Variants in BNIP2 observed in about 807,000 individuals in gnomAD.
The protein encoded by BNIP2 is BCL2/adenovirus E1B 19 kDa protein-interacting protein 2.
A neutral mutation model predicts 43.4 loss-of-function variants in BNIP2; 36 were observed. The observed-to-expected ratio is 0.83, with a 90% CI of 0.64 to 1.10. BNIP2 has a LOEUF of 1.10. BNIP2 is among the 50% of genes least tolerant of loss of function. The probability of loss-of-function intolerance (pLI) is 0.00; values close to 1 mark genes in which losing one functional copy is unlikely to be tolerated. For synonymous variants in BNIP2, 146 were observed against 121.0 expected, an observed-to-expected ratio of 1.21 and a Z score of -1.35; for missense variants, 417 against 374.1, an observed-to-expected ratio of 1.11 and a Z score of -0.95.
rs1209020116 is a variant in BNIP2 at position 59,672,733 on chromosome 15, T to C, written c.479A>G (p.Tyr160Cys). The change falls in exon 6 of 10, where the codon TAT (tyrosine) becomes TGT (cysteine). Residue 160 changes from tyrosine (Y) to cysteine (C), a missense_variant. Coordinates refer to ENST00000607373, the MANE Select transcript of BNIP2 (RefSeq NM_004330.4). ...YKKVISHGGY[Y>C]GDGLNAIVVF... ...AACAATGGCATTTAATCCATCCCCA[T>C]AATATCCTAAAAAAGAAACCAAAGA... The C allele has an allele frequency of 6.2e-7, 1 of 1,612,806 alleles. No homozygotes were observed.
chr15:59,678,976 T>A, intron 4 of BNIP2: 1 of 650,402 alleles, frequency 1.5e-6, no homozygotes, highest in South Asian at 2.2e-5. Context: ...ATATAGCATA[T>A]CACACTTTAT....
intron 5 of BNIP2, chr15:59,677,119 T>C (rs933330449): frequency 2.1e-5 from 33 of 1,604,512 alleles, no homozygotes; most frequent in Middle Eastern, 1.6e-4. Flanking sequence ...GTCAAGGATA[T>C]TGTCATCAAT....
intron 6 of BNIP2, among the ~76,000 whole-genome samples, chr15:59,671,643 G>A (rs6151544): frequency 0.012 from 1,767 of 152,246 alleles, 34 homozygotes; most frequent in African/African-American, 0.041. Context: ...GTGTATGTCT[G>A]AAACTTTCCA....
Position 59,682,417 on chromosome 15 carries a change from T to C in BNIP2, c.41A>G (p.Asp14Gly). ...VELKEEWQDE[D>G]FPIPLPEDDS... is the part of the protein sequence containing the mutation. ...TAAAAGCATTGCTCACATCGGAAAA[T>C]CTTCATCTTGCCATTCTTCTTTAAG... The change falls in exon 2 of 10, where the codon GAT becomes GGT. Residue 14 changes from aspartate to glycine, a missense_variant. Transcript: ENST00000607373. 2 of 1,612,230 alleles carry C rather than the reference T, an allele frequency of 1.2e-6. No individual in the cohort carries two copies. Among genetic ancestry groups the C allele is most frequent in the Non-Finnish European group, 1.7e-6 (2 of 1,179,264 alleles).
intron 1 of BNIP2, among the ~76,000 whole-genome samples, chr15:59,686,872 C>A (rs1894049327): frequency 6.6e-6 from 1 of 152,070 alleles, no homozygotes; most frequent in Non-Finnish European, 1.5e-5. Flanking sequence ...CAAAAATTAG[C>A]CAGGAGTGGT....
At chr15:59,681,849 A>G (rs887844710) in intron 2 of BNIP2, among the ~76,000 whole-genome samples, 1 of 152,176 alleles carries the variant, frequency 6.6e-6, no homozygotes, top group African/African-American at 2.4e-5. Flanking sequence ...AAACAAACAA[A>G]CCACACTAAA....
intron 4 of BNIP2, chr15:59,678,351 G>T: frequency 8.5e-7 from 1 of 1,172,670 alleles, no homozygotes; most frequent in South Asian, 2.3e-5. Context: ...CACAAGTTCA[G>T]AAAATATAAT....
chr15:59,671,392 T>C lies in BNIP2; in HGVS notation c.576-78A>G, dbSNP rs901087626. The C allele has an allele frequency of 1.6e-5, 20 of 1,289,938 alleles. No individual in the cohort carries two copies. In the African/African-American group the frequency reaches 2.1e-4, roughly 13 times the overall value. 79.9% of individuals were successfully genotyped at this position (1,289,938 alleles called of 1,614,324 possible). A position where few individuals can be genotyped will look rare whatever the true frequency, so the allele number is the denominator to read the frequency against. On this transcript the variant is annotated intron_variant, in intron 6 of 9. Transcript: ENST00000607373. ...CTAGGTTCTCTAAATTGTACCATTA[T>C]ACAATTCCTTCCTCTCTCCTACAAT...
chr15:59,682,789 T>C (rs774497150), intron 1 of BNIP2, among the ~76,000 whole-genome samples: 11 of 152,160 alleles, frequency 7.2e-5, no homozygotes, highest in East Asian at 1.9e-4. Flanking sequence ...CAGGTTATGA[T>C]TGAAAATATA....
At position 59,671,848 on chromosome 15, in the gene BNIP2, G is replaced by A. The variant is rs140699552; in HGVS notation, c.576-534C>T. On this transcript the variant is annotated intron_variant, in intron 6 of 9. Coordinates refer to ENST00000607373, the MANE Select transcript of BNIP2 (RefSeq NM_004330.4). Reference sequence around the variant, plus strand: ...AAAACAGTTGGGACAGGTAAGGCATGGTGGCTTACTTGAGCCCAGGAGTTT... The same window carrying A: ...AAAACAGTTGGGACAGGTAAGGCATAGTGGCTTACTTGAGCCCAGGAGTTT... 2.0e-3 allele frequency among the ~76,000 whole-genome samples: 307 copies of A among 152,302 alleles called. 1 individual carries two copies. The highest frequency in any genetic ancestry group is 7.1e-3 in the African/African-American group (296 of 41,578).
intron 2 of BNIP2, among the ~76,000 whole-genome samples, chr15:59,680,943 T>A (rs1458420110): frequency 6.6e-6 from 1 of 152,208 alleles, no homozygotes; most frequent in African/African-American, 2.4e-5. Flanking sequence ...ACTTATACAC[T>A]TATTATATAT....
chr15:59,662,145 C>T lies in BNIP2; in HGVS notation c.*1924G>A, dbSNP rs1283190819. On this transcript the variant is annotated 3_prime_UTR_variant, in exon 10 of 10. Coordinates refer to ENST00000607373, the MANE Select transcript of BNIP2 (RefSeq NM_004330.4). Reference sequence around the variant, plus strand: ...TCTTCATATTTTTTAAACTGAAGAACCAAGTACTTAATGTGGTAGAAAACC... The same window carrying T: ...TCTTCATATTTTTTAAACTGAAGAATCAAGTACTTAATGTGGTAGAAAACC... 1 of 152,034 alleles carries T rather than the reference C, an allele frequency of 6.6e-6. No homozygotes were observed. The highest frequency in any genetic ancestry group is 1.9e-4 in the East Asian group (1 of 5,198). The allele number at this position is 152,034 out of a possible 1,614,324, so 9.4% of individuals were successfully genotyped here.
In BNIP2 at chr15:59,677,944, T is replaced by A; in HGVS notation, c.439A>T (p.Ile147Phe). Reference protein sequence around the residue: ...EQDHRVDMKAIEPYKKVISHG... With the variant: ...EQDHRVDMKAFEPYKKVISHG... The stretch of plus-strand genomic sequence containing the variant: ...CTGATAACTTTTTTATAGGGTTCAA[T>A]TGCCTTCATATCAACCCTGTGGTCC... Residue 147 changes from isoleucine to phenylalanine, a missense_variant, in exon 5 of 10, where the codon ATT becomes TTT. By Grantham distance (21) the Ile-to-Phe change is conservative (BLOSUM62 0). Coordinates refer to ENST00000607373, the MANE Select transcript of BNIP2 (RefSeq NM_004330.4). 2.5e-6 allele frequency: 4 copies of A among 1,613,090 alleles called. No individual in the cohort carries two copies. The highest frequency in any genetic ancestry group is 3.4e-6 in the Non-Finnish European group (4 of 1,179,624).
intron 9 of BNIP2, among the ~76,000 whole-genome samples, chr15:59,664,330 G>A (rs535306208): frequency 1.3e-5 from 2 of 152,176 alleles, no homozygotes; most frequent in African/African-American, 2.4e-5. Context: ...AAATGTGACC[G>A]TTGTTTCTTT....
chr15:59,668,102 C>G (rs1313220428), intron 9 of BNIP2: 1 of 1,297,556 alleles, frequency 7.7e-7, no homozygotes, highest in South Asian at 1.2e-5. Context: ...TGTGCATATA[C>G]CTTTTTTGTT....
In BNIP2 at chr15:59,660,990, T is replaced by G. The variant is rs1892230472; in HGVS notation, c.*3079A>C. 6.6e-6 allele frequency: 1 copy of G among 152,194 alleles called. No homozygotes were observed. The highest frequency in any genetic ancestry group is 2.4e-5 in the African/African-American group (1 of 41,440). 9.4% of individuals were successfully genotyped at this position (152,194 alleles called of 1,614,324 possible). ...CTTGCGTATAGCCTGCAGGTTTTCC[T>G]GCTGCATACAAGAAATGTTACCATC... On this transcript the variant is annotated 3_prime_UTR_variant, in exon 10 of 10. Transcript: ENST00000607373.
chr15:59,684,905 C>A (rs1371686801), intron 1 of BNIP2, among the ~76,000 whole-genome samples: 1 of 152,150 alleles, frequency 6.6e-6, no homozygotes, highest in South Asian at 2.1e-4. Context: ...TAGCACATAA[C>A]AGGCCTATAA....
In BNIP2 at chr15:59,677,896, C is replaced by T. The variant is rs758286317; in HGVS notation, c.472+15G>A. On this transcript the variant is annotated intron_variant, in intron 5 of 9. Transcript: ENST00000607373. Reference sequence around the variant, plus strand: ...ATTGCATTAAACAATCTGAAAAATCCTCAGTAACTCTTACCCCCATGGCTG... The same window carrying T: ...ATTGCATTAAACAATCTGAAAAATCTTCAGTAACTCTTACCCCCATGGCTG... 4.4e-6 allele frequency: 7 copies of T among 1,578,580 alleles called. No homozygotes were observed. The African/African-American group carries it at 9.6e-5, about 22-fold the overall frequency.
At chr15:59,683,870 C>T (rs1477468566) in intron 1 of BNIP2, among the ~76,000 whole-genome samples, 10 of 151,996 alleles carry the variant, frequency 6.6e-5, no homozygotes, top group African/African-American at 2.2e-4. Flanking sequence ...ATAGTAAGTC[C>T]GTCTATACCA....
Sources: allele counts gnomAD v4.1 joint callset (sites outside exome capture counted in the v4.1 genomes callset), GRCh38; gene constraint gnomAD v4.1.1; transcripts MANE v1.5; gene names NCBI Gene and HGNC (gene_info 2026-07-23, HGNC 2026-07-21).